ESR1: variants seen among roughly 807,000 people sequenced by gnomAD.
ESR1 encodes estrogen receptor.
ESR1 carries 12 observed loss-of-function variants against 52.7 expected under a neutral mutation model. The ratio of observed to expected loss-of-function variants is 0.23; its 90% CI spans 0.15 to 0.37. The LOEUF (loss-of-function observed/expected upper bound fraction) is 0.37. Among genes scored for constraint, ESR1 ranks in the 10% least tolerant of loss-of-function variants. The pLI is 1.00. For missense variants in ESR1, 584 were observed against 779.7 expected (o/e 0.75, Z 2.99); for synonymous variants, 305 against 316.8 (o/e 0.96, Z 0.39).
rs577167979 is a variant in ESR1, at chr6:151,694,781, C to T, written c.-202+4117C>T. On this transcript the variant is annotated intron_variant, in intron 1 of 2. Transcript: ENST00000404742. ...CCACCTGGGCAACAGAGTGAAACTG[C>T]ATCTAAAAAAAGACAAAAAAAAAAA... Among the ~76,000 whole-genome samples, 8 of 138,736 alleles carry T rather than the reference C, an allele frequency of 5.8e-5. 1 individual carries two copies. The South Asian group carries it at 1.8e-3, about 31-fold the overall frequency. The allele number at this position is 138,736 out of a possible 152,430, so 91.0% of individuals were successfully genotyped here.
chr6:151,935,563 G>A (rs2034262644), intron 3 of ESR1, among the ~76,000 whole-genome samples: 1 of 152,188 alleles, frequency 6.6e-6, no homozygotes, highest in Non-Finnish European at 1.5e-5. Flanking sequence ...CCTAGAGTCT[G>A]GAGCCACAGA....
chr6:151,907,625 T>A (rs899270611), intron 3 of ESR1, among the ~76,000 whole-genome samples: 2 of 152,158 alleles, frequency 1.3e-5, no homozygotes, highest in African/African-American at 4.8e-5. Context: ...TATTCCAGCA[T>A]GGACATACTA....
At chr6:151,748,458 C>T (rs796448393) in intron 2 of ESR1, among the ~76,000 whole-genome samples, 16 of 152,244 alleles carry the variant, frequency 1.1e-4, no homozygotes, top group African/African-American at 3.1e-4. Flanking sequence ...TTTTTTGTGA[C>T]GATGTACCTT....
At chr6:151,735,436 A>G (rs905652994) in intron 2 of ESR1, among the ~76,000 whole-genome samples, 3 of 152,236 alleles carry the variant, frequency 2.0e-5, no homozygotes, top group Non-Finnish European at 2.9e-5. Flanking sequence ...CTCAGAAACC[A>G]TAAGCTTAGT....
chr6:151,910,007 T>G (rs1053629143), intron 3 of ESR1, among the ~76,000 whole-genome samples: 2 of 151,862 alleles, frequency 1.3e-5, no homozygotes, highest in Non-Finnish European at 2.9e-5. Flanking sequence ...TGTAACCAAT[T>G]ATCATTATTG....
At chr6:151,761,425 A>G (rs78752883) in intron 2 of ESR1, among the ~76,000 whole-genome samples, 23 of 152,212 alleles carry the variant, frequency 1.5e-4, no homozygotes, top group African/African-American at 5.3e-4. Flanking sequence ...ATTTAGATTC[A>G]CCCACTTCTC....
intron 3 of ESR1, among the ~76,000 whole-genome samples, chr6:151,934,316 G>GATATC (rs2034088505): frequency 6.6e-6 from 1 of 152,136 alleles, no homozygotes; most frequent in Non-Finnish European, 1.5e-5. Context: ...ACCATTATCA[G>GATATC]ATATCATATA....
At chr6:152,042,285 A>G (rs1337803582) in intron 5 of ESR1, among the ~76,000 whole-genome samples, 1 of 152,198 alleles carries the variant, frequency 6.6e-6, no homozygotes, top group Non-Finnish European at 1.5e-5. Flanking sequence ...GGAAATGACC[A>G]CAGGATGAGT....
chr6:151,835,281 G>A (rs1483092790), intron 1 of ESR1, among the ~76,000 whole-genome samples: 2 of 152,154 alleles, frequency 1.3e-5, no homozygotes, highest in African/African-American at 2.4e-5. Flanking sequence ...TCATGTGGAG[G>A]TGCAGAGTGG....
rs147017783 is a variant in ESR1, at chr6:151,997,959, C to T, written c.1097-13697C>T. ...AAGCTTTCAGAAGTGATGAGGGAAA[C>T]CCCAGCTCTTCTTGTTACTTCTTGG... On this transcript the variant is annotated intron_variant, in intron 4 of 7. Coordinates refer to ENST00000206249, the MANE Select transcript of ESR1 (RefSeq NM_000125.4). Among the ~76,000 whole-genome samples the T allele has an allele frequency of 1.8e-3, 270 of 151,416 alleles. 2 individuals carry two copies. The highest frequency in any genetic ancestry group is 6.3e-3 in the African/African-American group (258 of 41,206).
intron 1 of ESR1, among the ~76,000 whole-genome samples, chr6:151,824,119 C>T (rs533795914): frequency 0.069 from 10,466 of 152,100 alleles, 486 homozygotes; most frequent in Non-Finnish European, 0.092. Flanking sequence ...TTCTCCACAT[C>T]CTCTCCAGCA....
intron 1 of ESR1, among the ~76,000 whole-genome samples, chr6:151,828,806 C>T (rs1781925983): frequency 6.6e-6 from 1 of 152,198 alleles, no homozygotes; most frequent in Non-Finnish European, 1.5e-5. Flanking sequence ...AGCCTATGTT[C>T]CCAGAGTCTC....
chr6:151,953,145 G>A (rs2036504702), intron 4 of ESR1, among the ~76,000 whole-genome samples: 1 of 152,164 alleles, frequency 6.6e-6, no homozygotes, highest in Non-Finnish European at 1.5e-5. Context: ...TTTCTGAGGT[G>A]ACTGCATTGA....
chr6:152,044,722 G>C (rs936995807), intron 5 of ESR1, among the ~76,000 whole-genome samples: 2 of 152,204 alleles, frequency 1.3e-5, no homozygotes, highest in African/African-American at 2.4e-5. Context: ...GACTTAGCCA[G>C]TCTAGTCCTT....
At chr6:151,936,064 A>G (rs2034319028) in intron 3 of ESR1, 2 of 152,188 alleles carry the variant, frequency 1.3e-5, no homozygotes, top group African/African-American at 4.8e-5. Flanking sequence ...TAATATTTGC[A>G]TTGTGACCCT....
At chr6:151,844,925 T>C (rs1784873330) in intron 2 of ESR1, among the ~76,000 whole-genome samples, 1 of 152,134 alleles carries the variant, frequency 6.6e-6, no homozygotes, top group Non-Finnish European at 1.5e-5. Context: ...AAGTCAGTAT[T>C]GATAAAGTGT....
At chr6:152,007,301 A>C (rs1764304107) in intron 4 of ESR1, among the ~76,000 whole-genome samples, 1 of 152,008 alleles carries the variant, frequency 6.6e-6, no homozygotes, top group Admixed American at 6.6e-5. Context: ...CTCCTTTCAC[A>C]GTCAACACAA....
At chr6:151,787,411 T>C (rs1787127336) in intron 2 of ESR1, among the ~76,000 whole-genome samples, 1 of 152,204 alleles carries the variant, frequency 6.6e-6, no homozygotes, top group African/African-American at 2.4e-5. Flanking sequence ...AGGAATAGCA[T>C]TGAATCTATA....
chr6:151,856,677 A>T (rs1787901138), intron 2 of ESR1, among the ~76,000 whole-genome samples: 1 of 152,172 alleles, frequency 6.6e-6, no homozygotes, highest in Admixed American at 6.5e-5. Context: ...CACTTGGTGT[A>T]AACACATGAG....
Sources: gnomAD v4.1 joint callset for allele counts (sites outside exome capture counted in the v4.1 genomes callset) on GRCh38, gnomAD v4.1.1 for gene constraint, MANE v1.5 for transcripts, NCBI Gene and HGNC (gene_info 2026-07-23, HGNC 2026-07-21) for gene names.